Variants in WDR49 observed in about 807,000 individuals in gnomAD.
WDR49 encodes cilia- and flagella-associated protein 337.
In WDR49, 107 loss-of-function variants were observed where a neutral mutation model predicts 119.5. The observed-to-expected ratio is 0.90, with a 90% CI of 0.77 to 1.05. The LOEUF is 1.05. WDR49 is among the 50% of genes least tolerant of loss of function. The pLI is 0.00. For missense variants in WDR49, 1,240 were observed against 1,220.5 expected, an observed-to-expected ratio of 1.02 and a Z score of -0.24; for synonymous variants, 425 against 418.8, an observed-to-expected ratio of 1.01 and a Z score of -0.18.
chr3:167,503,622 G>A (rs1175612085), intron 17 of WDR49, among the ~76,000 whole-genome samples: 1 of 152,212 alleles, frequency 6.6e-6, no homozygotes, highest in Non-Finnish European at 1.5e-5. Context: ...CCGATCGGGA[G>A]CAGCAATGAG....
At chr3:167,538,407 G>C (rs971392714) in intron 10 of WDR49, among the ~76,000 whole-genome samples, 2 of 151,962 alleles carry the variant, frequency 1.3e-5, no homozygotes, top group African/African-American at 4.8e-5. Flanking sequence ...TTATATCTCT[G>C]CAATATGTTA....
intron 8 of WDR49, among the ~76,000 whole-genome samples, chr3:167,573,391 T>TACACACAC (rs57955643): frequency 0.05 from 7,127 of 142,236 alleles, 219 homozygotes; most frequent in Admixed American, 0.084. Context: ...TTATGTGGAA[T>TACACACAC]ACACACACAC....
Position 167,548,924 on chromosome 3 carries a change from T to A in WDR49, c.1823+5726A>T, listed in dbSNP as rs575594966. 2.1e-3 allele frequency among the ~76,000 whole-genome samples: 321 copies of A among 152,210 alleles called. 2 individuals carry two copies. Among genetic ancestry groups the A allele is most frequent in the Non-Finnish European group, 3.4e-3 (230 of 68,002 alleles). On this transcript the variant is annotated intron_variant, in intron 10 of 18. Coordinates refer to ENST00000682715, the MANE Select transcript of WDR49 (RefSeq NM_001366157.1). ...GTTCTCATTGTTCAATTCCCACCTATGAGTGAGAACATGCAGTGTTTGGTT... is the reference window on the plus strand; with the variant it reads ...GTTCTCATTGTTCAATTCCCACCTAAGAGTGAGAACATGCAGTGTTTGGTT...
At chr3:167,492,621 A>T (rs996618309) in intron 18 of WDR49, among the ~76,000 whole-genome samples, 8 of 152,176 alleles carry the variant, frequency 5.3e-5, no homozygotes, top group African/African-American at 1.2e-4. Context: ...TAATGTTCAC[A>T]GAAACATTAT....
intron 17 of WDR49, among the ~76,000 whole-genome samples, chr3:167,504,179 C>A (rs1751685637): frequency 1.3e-5 from 2 of 152,252 alleles, no homozygotes; most frequent in South Asian, 4.1e-4. Context: ...TAAAGAGGGC[C>A]ACTGTTCTCC....
At position 167,532,970 on chromosome 3, in the gene WDR49, A is replaced by T. The variant is rs372561544; in HGVS notation, c.1962T>A (p.Tyr654Ter). The T allele has an allele frequency of 1.8e-5, 29 of 1,600,822 alleles. No homozygotes were observed. The African/African-American group carries it at 3.5e-4, about 19-fold the overall frequency. Residue 654 changes from tyrosine (Y) to a stop codon, truncating the protein, a stop_gained, in exon 12 of 19, where the codon TAT becomes TAA. Transcript: ENST00000682715. LOFTEE classifies it high-confidence loss of function. ...TGTTCCATAGAACAATTTCTCCATC[A>T]TAACTCCCTACACAAGACAGGATGG... ...LPPQTLVTGS[Y>*]DGEIVLWNNS...
intron 8 of WDR49, among the ~76,000 whole-genome samples, chr3:167,563,017 T>C (rs1713360105): frequency 6.6e-6 from 1 of 152,062 alleles, no homozygotes; most frequent in African/African-American, 2.4e-5. Context: ...TTAAGAAAAA[T>C]AGTATCTTGC....
intron 16 of WDR49, among the ~76,000 whole-genome samples, chr3:167,513,399 C>A (rs1752064836): frequency 6.6e-6 from 1 of 152,094 alleles, no homozygotes; most frequent in African/African-American, 2.4e-5. Context: ...TGTTTTCAGA[C>A]AAGAAAATGC....
intron 18 of WDR49, among the ~76,000 whole-genome samples, chr3:167,493,083 A>G (rs1169232724): frequency 5.9e-5 from 9 of 152,134 alleles, no homozygotes; most frequent in Non-Finnish European, 1.3e-4. Context: ...ATGGAGAGAC[A>G]CTGGAGGAGA....
intron 2 of WDR49, among the ~76,000 whole-genome samples, chr3:167,635,134 A>G (rs1717552408): frequency 6.6e-6 from 1 of 151,844 alleles, no homozygotes; most frequent in Non-Finnish European, 1.5e-5. Flanking sequence ...CAACATATAT[A>G]TATTCCTACA....
intron 7 of WDR49, among the ~76,000 whole-genome samples, chr3:167,599,250 C>G (rs1414036467): frequency 1.3e-5 from 2 of 152,110 alleles, no homozygotes; most frequent in East Asian, 1.9e-4. Context: ...CCTTAGAAAT[C>G]TACTCGGTGT....
intron 5 of WDR49, among the ~76,000 whole-genome samples, chr3:167,615,337 T>C (rs1455251222): frequency 6.6e-6 from 1 of 151,856 alleles, no homozygotes; most frequent in Non-Finnish European, 1.5e-5. Flanking sequence ...GGTTTCACCA[T>C]GTTGCTCAGG....
At chr3:167,538,389 TA>T (rs1216619839) in intron 10 of WDR49, among the ~76,000 whole-genome samples, 1 of 152,152 alleles carries the variant, frequency 6.6e-6, no homozygotes, top group East Asian at 1.9e-4. Context: ...TCAAATCAAA[TA>T]CTTAGATTAT....
At chr3:167,500,065 T>C in intron 18 of WDR49, 88 bp downstream of exon 18, 1 of 1,374,082 alleles carries the variant, frequency 7.3e-7, no homozygotes, top group Non-Finnish European at 9.6e-7. Flanking sequence ...GACAAACACT[T>C]GTTATTTTCA....
At chr3:167,631,116 G>A (rs796832859) in intron 2 of WDR49, among the ~76,000 whole-genome samples, 1 of 151,952 alleles carries the variant, frequency 6.6e-6, no homozygotes, top group Non-Finnish European at 1.5e-5. Flanking sequence ...GGGCCTGTCA[G>A]GGGGTGGGGA....
intron 18 of WDR49, among the ~76,000 whole-genome samples, chr3:167,484,394 A>T (rs1191880426): frequency 6.6e-6 from 1 of 152,120 alleles, no homozygotes; most frequent in African/African-American, 2.4e-5. Context: ...ATGTATTCAT[A>T]TGTAACAAAC....
intron 10 of WDR49, among the ~76,000 whole-genome samples, chr3:167,539,182 A>C (rs59579036): frequency 6.6e-6 from 1 of 152,170 alleles, no homozygotes; most frequent in African/African-American, 2.4e-5. Flanking sequence ...GAGAACGCAA[A>C]GTTTGCCTGA....
intron 2 of WDR49, among the ~76,000 whole-genome samples, chr3:167,631,834 T>C (rs1225710541): frequency 6.6e-6 from 1 of 152,136 alleles, no homozygotes; most frequent in African/African-American, 2.4e-5. Flanking sequence ...AAAACTGTTA[T>C]GAAGATTAGC....
At chr3:167,506,468 C>T (rs1263866083) in intron 16 of WDR49, among the ~76,000 whole-genome samples, 1 of 152,146 alleles carries the variant, frequency 6.6e-6, no homozygotes, top group Non-Finnish European at 1.5e-5. Context: ...AATATCAATA[C>T]AAGTAAAAAG....
Sources: gnomAD v4.1 joint callset for allele counts (sites outside exome capture counted in the v4.1 genomes callset) on GRCh38, gnomAD v4.1.1 for gene constraint, MANE v1.5 for transcripts, NCBI Gene and HGNC (gene_info 2026-07-23, HGNC 2026-07-21) for gene names.